The following IL1RAPL1 variants were observed in gnomAD, a reference collection of about 807,000 sequenced individuals.
IL1RAPL1 encodes interleukin-1 receptor accessory protein-like 1.
IL1RAPL1 carries 3 observed loss-of-function variants against 48.4 expected under a neutral mutation model. The observed-to-expected ratio is 0.06, with a 90% CI of 0.03 to 0.16. IL1RAPL1 has a LOEUF of 0.16. IL1RAPL1 is among the 10% of genes least tolerant of loss of function. IL1RAPL1 has a pLI of 1.00. For missense variants in IL1RAPL1, 349 were observed against 530.6 expected (o/e 0.66, Z 3.36); for synonymous variants, 185 against 187.7 (o/e 0.99, Z 0.12).
chrX:28,638,199 C>A (rs1569143224), intron 1 of IL1RAPL1, among the ~76,000 whole-genome samples: 1 of 111,322 alleles, frequency 9.0e-6, no homozygotes, highest in Admixed American at 9.6e-5. Flanking sequence ...TTCATTAAAG[C>A]CTTTTTGGTG....
At chrX:29,497,243 C>A (rs768479219) in intron 5 of IL1RAPL1, among the ~76,000 whole-genome samples, 21 of 111,615 alleles carry the variant, frequency 1.9e-4, no homozygotes, top group African/African-American at 6.8e-4. Context: ...ACTTGCTTTT[C>A]CTGTTTGATT....
rs1458102611 is a variant in IL1RAPL1 at position 29,853,815 on chromosome X, G to A, written c.779-63649G>A. On this transcript the variant is annotated intron_variant, in intron 6 of 10. Coordinates refer to ENST00000378993, the MANE Select transcript of IL1RAPL1 (RefSeq NM_014271.4). ...TTGGCAATCCCTTTACGCTTTGGGTGACTGATTATCTGTCATTTTCTATTA... is the reference window on the plus strand; with the variant it reads ...TTGGCAATCCCTTTACGCTTTGGGTAACTGATTATCTGTCATTTTCTATTA... 6.3e-5 allele frequency among the ~76,000 whole-genome samples: 7 copies of A among 111,421 alleles called. No individual in the cohort carries two copies. The Admixed American group carries it at 6.7e-4, about 11-fold the overall frequency.
chrX:29,259,010 A>G (rs995707597), intron 2 of IL1RAPL1, among the ~76,000 whole-genome samples: 7 of 111,223 alleles, frequency 6.3e-5, no homozygotes, highest in African/African-American at 2.3e-4. Flanking sequence ...CTCTAACCTC[A>G]TAAGTTTCAC....
chrX:28,798,996 G>T (rs1481850178), intron 2 of IL1RAPL1, among the ~76,000 whole-genome samples: 2 of 111,863 alleles, frequency 1.8e-5, no homozygotes, highest in Non-Finnish European at 3.8e-5. Context: ...AAAGGCGTCT[G>T]TGTTCCTTTC....
intron 2 of IL1RAPL1, among the ~76,000 whole-genome samples, chrX:28,850,137 C>A (rs966108058): frequency 5.4e-5 from 6 of 112,126 alleles, no homozygotes; most frequent in African/African-American, 1.9e-4. Context: ...TTGATTTCTG[C>A]AAATTGGAAG....
At chrX:29,647,214 G>C (rs1925360101) in intron 5 of IL1RAPL1, among the ~76,000 whole-genome samples, 1 of 110,579 alleles carries the variant, frequency 9.0e-6, no homozygotes, top group Non-Finnish European at 1.9e-5. Context: ...GCTGGGCGTG[G>C]TGGCACGCGA....
At chrX:29,315,177 G>A (rs1310836259) in intron 3 of IL1RAPL1, among the ~76,000 whole-genome samples, 2 of 111,912 alleles carry the variant, frequency 1.8e-5, no homozygotes, top group Non-Finnish European at 3.8e-5. Context: ...ATATAAAGGA[G>A]AAATCCATGT....
chrX:29,161,164 C>G (rs1056705963), intron 2 of IL1RAPL1, among the ~76,000 whole-genome samples: 1 of 111,220 alleles, frequency 9.0e-6, no homozygotes, highest in African/African-American at 3.3e-5. Flanking sequence ...GGAAAAAGGG[C>G]TGACCATCCA....
chrX:28,729,848 T>C (rs1392105389), intron 1 of IL1RAPL1, among the ~76,000 whole-genome samples: 1 of 109,967 alleles, frequency 9.1e-6, no homozygotes, highest in African/African-American at 3.3e-5. Context: ...ATACAAAAAT[T>C]AGCTGGGTGT....
At chrX:29,860,345 C>A (rs756308776) in intron 6 of IL1RAPL1, among the ~76,000 whole-genome samples, 142 of 111,777 alleles carry the variant, frequency 1.3e-3, no homozygotes, top group Non-Finnish European at 2.1e-3. Flanking sequence ...ACTGATGTGA[C>A]TTTTTAAGTT....
chrX:28,892,524 G>A (rs182354987), intron 2 of IL1RAPL1, among the ~76,000 whole-genome samples: 4 of 111,606 alleles, frequency 3.6e-5, no homozygotes, highest in African/African-American at 9.8e-5. Context: ...GGATGTATAT[G>A]TGTAGGTCAC....
chrX:29,806,922 C>T (rs1930269060), intron 6 of IL1RAPL1, among the ~76,000 whole-genome samples: 1 of 110,069 alleles, frequency 9.1e-6, no homozygotes, highest in East Asian at 2.9e-4. Context: ...TGCACTTACT[C>T]TTCCTCCTGC....
chrX:29,918,440 G>C (rs372863594), intron 7 of IL1RAPL1, among the ~76,000 whole-genome samples: 9 of 98,925 alleles, frequency 9.1e-5, no homozygotes, highest in African/African-American at 3.3e-4. Flanking sequence ...GGGAGGTGGA[G>C]GTTGCAGTGA....
intron 1 of IL1RAPL1, among the ~76,000 whole-genome samples, chrX:28,690,292 A>G (rs1488118848): frequency 4.5e-5 from 5 of 111,849 alleles, no homozygotes; most frequent in African/African-American, 1.3e-4. Flanking sequence ...TTCTTCGCCT[A>G]AAGATATAAC....
In IL1RAPL1 at chrX:29,086,343, T is replaced by C. The variant is rs552499453; in HGVS notation, c.83-196595T>C. Among the ~76,000 whole-genome samples, 73 of 112,272 alleles carry C rather than the reference T, an allele frequency of 6.5e-4. 1 individual carries two copies. In the South Asian group the frequency reaches 0.026, roughly 40 times the overall value. Reference sequence around the variant, plus strand: ...TCACAGAAAAAAGGAAAAAATATTATTTCCAAAGAGTAAGTTATGAAGCCA... The same window carrying C: ...TCACAGAAAAAAGGAAAAAATATTACTTCCAAAGAGTAAGTTATGAAGCCA... On this transcript the variant is annotated intron_variant, in intron 2 of 10. Coordinates refer to ENST00000378993, the MANE Select transcript of IL1RAPL1 (RefSeq NM_014271.4).
chrX:29,194,320 A>G (rs1336463017), intron 2 of IL1RAPL1, among the ~76,000 whole-genome samples: 1 of 112,809 alleles, frequency 8.9e-6, no homozygotes, highest in African/African-American at 3.2e-5. Flanking sequence ...CTGTTTTTAT[A>G]GATTTTCATT....
chrX:29,167,184 AT>A, intron 2 of IL1RAPL1, among the ~76,000 whole-genome samples: 1 of 111,045 alleles, frequency 9.0e-6, no homozygotes, highest in Non-Finnish European at 1.9e-5. Context: ...ATCATTTCAA[AT>A]TTTTTGTGCC....
At chrX:29,139,327 T>A (rs935603299) in intron 2 of IL1RAPL1, among the ~76,000 whole-genome samples, 2 of 101,750 alleles carry the variant, frequency 2.0e-5, no homozygotes, top group Admixed American at 2.2e-4. Context: ...GAGTTTCTAA[T>A]GAGAAAAATA....
At chrX:28,869,878 A>G (rs948174454) in intron 2 of IL1RAPL1, among the ~76,000 whole-genome samples, 2 of 111,605 alleles carry the variant, frequency 1.8e-5, no homozygotes, top group Non-Finnish European at 3.8e-5. Context: ...TCCTGTATCC[A>G]CTATACCTAG....
Sources: allele counts gnomAD v4.1 joint callset (sites outside exome capture counted in the v4.1 genomes callset), GRCh38; gene constraint gnomAD v4.1.1; transcripts MANE v1.5; gene names NCBI Gene and HGNC (gene_info 2026-07-23, HGNC 2026-07-21).